RNF169: variants seen among roughly 807,000 people sequenced by gnomAD.
The protein encoded by RNF169 is ring finger protein 169, also known as E3 ubiquitin-protein ligase RNF169.
RNF169 carries 24 observed loss-of-function variants against 53.9 expected under a neutral mutation model. The observed-to-expected ratio is 0.45, with a 90% CI of 0.32 to 0.63. RNF169 has a LOEUF of 0.63. Among genes scored for constraint, RNF169 ranks in the 20% least tolerant of loss-of-function variants. RNF169 has a pLI of 0.04. For synonymous variants in RNF169, 396 were observed against 363.5 expected, an observed-to-expected ratio of 1.09 and a Z score of -1.02; for missense variants, 883 against 906.2, an observed-to-expected ratio of 0.97 and a Z score of 0.33.
intron 1 of RNF169, among the ~76,000 whole-genome samples, chr11:74,769,387 A>G (rs1454964371): frequency 6.6e-6 from 1 of 152,236 alleles, no homozygotes; most frequent in Non-Finnish European, 1.5e-5. Flanking sequence ...CTGGAGGAGT[A>G]TAAGTTGCCA....
In RNF169 at chr11:74,839,180, A is replaced by C. The variant is rs191331810; in HGVS notation, c.*2450A>C. 4 of 152,290 alleles carry C rather than the reference A, an allele frequency of 2.6e-5. No homozygotes were observed. The East Asian group carries it at 7.7e-4, about 29-fold the overall frequency. The allele number at this position is 152,290 out of a possible 1,614,324, so 9.4% of individuals were successfully genotyped here. A position where few individuals can be genotyped will look rare whatever the true frequency, so the allele number is the denominator to read the frequency against. The stretch of plus-strand genomic sequence containing the variant: ...GCCTTCCCCCCTTGTACCTACAGTG[A>C]TGCCTAGGATGGTATTGACAGTTGT... On this transcript the variant is annotated 3_prime_UTR_variant, in exon 6 of 6. Transcript: ENST00000299563.
chr11:74,824,241 G>A (rs1430206249), intron 4 of RNF169, among the ~76,000 whole-genome samples: 1 of 152,124 alleles, frequency 6.6e-6, no homozygotes, highest in Non-Finnish European at 1.5e-5. Context: ...TTCTGGAGCT[G>A]AAAAGTACAG....
At chr11:74,823,698 T>C (rs2036049986) in intron 4 of RNF169, among the ~76,000 whole-genome samples, 1 of 145,626 alleles carries the variant, frequency 6.9e-6, no homozygotes, top group African/African-American at 2.6e-5. Flanking sequence ...GATCACTTCA[T>C]TGCACTCCAG....
At chr11:74,773,219 A>G (rs1262448856) in intron 1 of RNF169, among the ~76,000 whole-genome samples, 1 of 152,170 alleles carries the variant, frequency 6.6e-6, no homozygotes, top group Admixed American at 6.5e-5. Context: ...ATGGTGCTGC[A>G]ATATCTGGCA....
chr11:74,835,646 G>GT lies in RNF169; in HGVS notation c.1044dup (p.Leu349SerfsTer14). On this transcript the variant is annotated frameshift_variant, in exon 6 of 6. Coordinates refer to ENST00000299563, the MANE Select transcript of RNF169 (RefSeq NM_001098638.2). LOFTEE classifies it high-confidence loss of function. ...GCCCCTGACTTAACCATCGAAAAGC[G>GT]TCTACCCTTCAGCTCCCTTTCATCC... The GT allele has an allele frequency of 1.9e-6, 3 of 1,614,108 alleles. No individual in the cohort carries two copies. The highest frequency in any genetic ancestry group is 2.5e-6 in the Non-Finnish European group (3 of 1,180,026).
chr11:74,798,661 C>A (rs2035684906), intron 2 of RNF169, among the ~76,000 whole-genome samples: 2 of 152,122 alleles, frequency 1.3e-5, no homozygotes, highest in South Asian at 4.1e-4. Flanking sequence ...TCACACACTC[C>A]CTCCCCTTTT....
At chr11:74,796,830 T>C (rs1018659475) in intron 2 of RNF169, among the ~76,000 whole-genome samples, 26 of 152,326 alleles carry the variant, frequency 1.7e-4, no homozygotes, top group African/African-American at 6.0e-4. Flanking sequence ...ATCCATTTTC[T>C]TTTTTTCTTC....
At chr11:74,835,457 TC>T in intron 5 of RNF169, 88 bp from the exon 6 acceptor site, 1 of 984,262 alleles carries the variant, frequency 1.0e-6, no homozygotes, top group Non-Finnish European at 1.6e-6. Flanking sequence ...GTCCTCCCCT[TC>T]CCTGTGCCTC....
chr11:74,837,081 G>T lies in RNF169; in HGVS notation c.*351G>T. 1 of 176,954 alleles carries T rather than the reference G, an allele frequency of 5.7e-6. No individual in the cohort carries two copies. Among genetic ancestry groups the T allele is most frequent in the Admixed American group, 5.8e-5 (1 of 17,300 alleles). The allele number at this position is 176,954 out of a possible 1,614,324, so 11.0% of individuals were successfully genotyped here. On this transcript the variant is annotated 3_prime_UTR_variant, in exon 6 of 6. Coordinates refer to ENST00000299563, the MANE Select transcript of RNF169 (RefSeq NM_001098638.2). ...TAGACTTCCTGACTTCTTTCAGCAG[G>T]GTATTGTTTTAAATCAGCCTTGCAG...
At chr11:74,781,305 G>T (rs561851862) in intron 1 of RNF169, among the ~76,000 whole-genome samples, 1 of 152,246 alleles carries the variant, frequency 6.6e-6, no homozygotes, top group East Asian at 1.9e-4. Context: ...CAGAGAAGAT[G>T]GTGGATCCTC....
intron 1 of RNF169, among the ~76,000 whole-genome samples, chr11:74,754,129 C>A (rs1261412294): frequency 6.6e-6 from 1 of 152,128 alleles, no homozygotes; most frequent in Non-Finnish European, 1.5e-5. Flanking sequence ...TGTGCCAGGT[C>A]TTTGGGAAAC....
At chr11:74,764,913 C>T (rs571353757) in intron 1 of RNF169, among the ~76,000 whole-genome samples, 1 of 152,218 alleles carries the variant, frequency 6.6e-6, no homozygotes, top group South Asian at 2.1e-4. Context: ...GTCAGATGCA[C>T]ATTAAACATT....
chr11:74,763,692 C>G (rs1286734121), intron 1 of RNF169, among the ~76,000 whole-genome samples: 1 of 151,568 alleles, frequency 6.6e-6, no homozygotes. Flanking sequence ...AGGAAAAGGA[C>G]AAATCAAGAA....
intron 2 of RNF169, among the ~76,000 whole-genome samples, chr11:74,798,684 T>C (rs1011088664): frequency 1.3e-5 from 2 of 152,162 alleles, no homozygotes. Flanking sequence ...AAATCTCTAA[T>C]AAAAACTTGC....
chr11:74,802,081 T>C (rs1462182915), intron 2 of RNF169, among the ~76,000 whole-genome samples: 1 of 152,214 alleles, frequency 6.6e-6, no homozygotes, highest in East Asian at 1.9e-4. Context: ...GCTCCCAAAT[T>C]ATTTCTTTAG....
intron 1 of RNF169, among the ~76,000 whole-genome samples, chr11:74,765,806 C>CAAAAAAAAAAAA (rs35483204): frequency 9.2e-6 from 1 of 108,980 alleles, no homozygotes. Context: ...GGCAACATCT[C>CAAAAAAAAAAAA]AAAAAAAAAA....
At chr11:74,777,492 A>G (rs563473) in intron 1 of RNF169, among the ~76,000 whole-genome samples, 52,393 of 151,966 alleles carry the variant, frequency 0.34, 11,084 homozygotes, top group African/African-American at 0.6. Context: ...CTCCTTTATC[A>G]TGTGCCTCTT....
chr11:74,767,272 C>T lies in RNF169; in HGVS notation c.502+17890C>T, dbSNP rs990211245. ...TAACATTAGGAATCTAATGTAGTTCCCCATATTAATAAACTAAAGGAGAGT... is the reference window on the plus strand; with the variant it reads ...TAACATTAGGAATCTAATGTAGTTCTCCATATTAATAAACTAAAGGAGAGT... On this transcript the variant is annotated intron_variant, in intron 1 of 5. Transcript: ENST00000299563. 6.6e-5 allele frequency among the ~76,000 whole-genome samples: 10 copies of T among 151,942 alleles called. 1 individual carries two copies. Among genetic ancestry groups the T allele is most frequent in the Non-Finnish European group, 1.5e-4 (10 of 68,012 alleles).
chr11:74,836,968 C>G lies in RNF169; in HGVS notation c.*238C>G. ...AGGGCTTCTGGGCCAAACCTGGCAG[C>G]ACCCACTGGGAATGAGATTTGGAAC... is the stretch of plus-strand genomic sequence containing the variant. On this transcript the variant is annotated 3_prime_UTR_variant, in exon 6 of 6. Transcript: ENST00000299563. The G allele has an allele frequency of 2.3e-6, 1 of 428,254 alleles. No individual in the cohort carries two copies. The highest frequency in any genetic ancestry group is 2.0e-5 in the African/African-American group (1 of 50,220). 26.5% of individuals were successfully genotyped at this position (428,254 alleles called of 1,614,324 possible).
Sources: gnomAD v4.1 joint callset for allele counts (sites outside exome capture counted in the v4.1 genomes callset) on GRCh38, gnomAD v4.1.1 for gene constraint, MANE v1.5 for transcripts, NCBI Gene and HGNC (gene_info 2026-07-23, HGNC 2026-07-21) for gene names.